Variants in USP50 observed in about 807,000 individuals in gnomAD.
The protein encoded by USP50 is ubiquitin carboxyl-terminal hydrolase 50.
USP50 carries 37 observed loss-of-function variants against 39.2 expected under a neutral mutation model. That is an observed-to-expected ratio of 0.94 (90% CI 0.73 to 1.24). USP50 has a LOEUF of 1.24. Ranked by LOEUF, USP50 falls within the 50% of genes most tolerant of loss-of-function variation. The pLI is 0.00. For missense variants in USP50, 374 were observed against 398.2 expected, an observed-to-expected ratio of 0.94 and a Z score of 0.52; for synonymous variants, 139 against 144.5, an observed-to-expected ratio of 0.96 and a Z score of 0.27.
chr15:50,500,844 G>T lies in USP50; in HGVS notation c.937-7C>A. Reference sequence around the variant, plus strand: ...CCAAATCACCAAAATGGTTCTATGGGAGAAAGGAATGTCAAACTTAGTATT... The same window carrying T: ...CCAAATCACCAAAATGGTTCTATGGTAGAAAGGAATGTCAAACTTAGTATT... On this transcript the variant is annotated splice_region_variant and splice_polypyrimidine_tract_variant and intron_variant, in intron 6 of 6. Coordinates refer to ENST00000532404, the MANE Select transcript of USP50 (RefSeq NM_203494.5). 1 of 1,573,642 alleles carries T rather than the reference G, an allele frequency of 6.4e-7. No individual in the cohort carries two copies. The highest frequency in any genetic ancestry group is 1.2e-5 in the South Asian group (1 of 85,494).
At chr15:50,532,019 A>C (rs1198372075) in intron 5 of USP50, 3 of 420,628 alleles carry the variant, frequency 7.1e-6, no homozygotes, top group Non-Finnish European at 1.4e-5. Context: ...TACCAGAGCC[A>C]AAACTGCCGA....
downstream of USP50, chr15:50,498,327 T>C: frequency 3.3e-6 from 1 of 299,442 alleles, no homozygotes. Context: ...CATGTAGCAG[T>C]TGTAGCTGGA....
At chr15:50,532,037 C>A in intron 5 of USP50, 1 of 442,404 alleles carries the variant, frequency 2.3e-6, no homozygotes. Flanking sequence ...CGAGCAGAAA[C>A]CTCTGAGGGA....
At chr15:50,541,330 G>T in intron 3 of USP50, 66 bp from the exon 4 acceptor site, 2 of 1,406,128 alleles carry the variant, frequency 1.4e-6, no homozygotes, top group East Asian at 2.3e-5. Flanking sequence ...GTGGCAACAT[G>T]GTGAGATCCC....
At chr15:50,506,281 A>G (rs765675439) in intron 6 of USP50, 2 of 152,320 alleles carry the variant, frequency 1.3e-5, no homozygotes, top group Admixed American at 6.6e-5. Context: ...GCGAGCGGCA[A>G]ACCTACCCTG....
intron 6 of USP50, chr15:50,507,713 C>CAAT (rs2052680759): frequency 6.6e-6 from 1 of 152,014 alleles, no homozygotes; most frequent in Non-Finnish European, 1.5e-5. Context: ...ACAGCTTTTA[C>CAAT]AATATATACT....
chr15:50,494,345 T>C, intron 1 of USP50: 1 of 1,385,260 alleles, frequency 7.2e-7, no homozygotes, highest in Non-Finnish European at 9.8e-7. Context: ...ACTGTATTTT[T>C]ATAGCAGTTT....
intron 5 of USP50, among the ~76,000 whole-genome samples, chr15:50,534,068 C>T (rs935804148): frequency 2.0e-5 from 3 of 151,994 alleles, no homozygotes; most frequent in Admixed American, 6.6e-5. Flanking sequence ...ACACTTGGAT[C>T]TACATAAAAA....
rs1299041821 is a variant in USP50, at chr15:50,541,257, T to C, written c.452A>G (p.Tyr151Cys). Residue 151 changes from tyrosine (Y) to cysteine (C), a missense_variant, in exon 4 of 7, where the codon TAC becomes TGC. By Grantham distance (194) the Tyr-to-Cys change is radical (BLOSUM62 -2). Transcript: ENST00000532404. ...TTTCTCATATGATCTTCTCCGGGAGTAGTGGTACTGAATCAAGGAGCAAAT... is the reference window on the plus strand; with the variant it reads ...TTTCTCATATGATCTTCTCCGGGAGCAGTGGTACTGAATCAAGGAGCAAAT... ...ELHEALKKYH[Y>C]SRRRSYEKGS... 4 of 1,613,078 alleles carry C rather than the reference T, an allele frequency of 2.5e-6. No homozygotes were observed. The highest frequency in any genetic ancestry group is 1.1e-5 in the South Asian group (1 of 91,042).
At chr15:50,537,619 G>T (rs1460009314) in intron 5 of USP50, among the ~76,000 whole-genome samples, 1 of 151,734 alleles carries the variant, frequency 6.6e-6, no homozygotes, top group Non-Finnish European at 1.5e-5. Flanking sequence ...AGCACTTTGG[G>T]AGACCGAGGT....
At chr15:50,527,027 A>T (rs2052903440) in intron 6 of USP50, among the ~76,000 whole-genome samples, 2 of 152,152 alleles carry the variant, frequency 1.3e-5, no homozygotes, top group Admixed American at 1.3e-4. Context: ...AAAGCAGTAA[A>T]CTCTTCAAGG....
Position 50,500,711 on chromosome 15 carries a change from T to C in USP50, c.*58A>G, listed in dbSNP as rs998700140. 14 of 1,492,380 alleles carry C rather than the reference T, an allele frequency of 9.4e-6. No individual in the cohort carries two copies. Among genetic ancestry groups the C allele is most frequent in the Admixed American group, 3.9e-5 (2 of 51,062 alleles). The allele number at this position is 1,492,380 out of a possible 1,614,324, so 92.4% of individuals were successfully genotyped here. On this transcript the variant is annotated 3_prime_UTR_variant, in exon 7 of 7. Coordinates refer to ENST00000532404, the MANE Select transcript of USP50 (RefSeq NM_203494.5). ...TGGCAGCTATAGAACAGGAGATCCA[T>C]AGCATTTTGAACAGAAGTATCTGGA...
intron 5 of USP50, among the ~76,000 whole-genome samples, chr15:50,535,048 A>G (rs932039003): frequency 6.6e-6 from 1 of 152,088 alleles, no homozygotes; most frequent in African/African-American, 2.4e-5. Context: ...CTGAGACACA[A>G]GAATTGCTTA....
At chr15:50,514,760 C>G (rs1270810735) in intron 6 of USP50, among the ~76,000 whole-genome samples, 1 of 151,822 alleles carries the variant, frequency 6.6e-6, no homozygotes, top group Non-Finnish European at 1.5e-5. Flanking sequence ...CATCTCCTGA[C>G]TTCGTGATCT....
In USP50 at chr15:50,506,802, C is replaced by CA. The variant is rs1222295870; in HGVS notation, c.937-5966dup. ...GTGAAACCTCATCTCTACAAAAATA[C>CA]AAAAAATTAGCCGGGCATGGTGGCA... On this transcript the variant is annotated intron_variant, in intron 6 of 6. Coordinates refer to ENST00000532404, the MANE Select transcript of USP50 (RefSeq NM_203494.5). 2.6e-5 allele frequency: 4 copies of CA among 151,132 alleles called. No individual in the cohort carries two copies. The East Asian group carries it at 7.9e-4, about 30-fold the overall frequency. 9.4% of individuals were successfully genotyped at this position (151,132 alleles called of 1,614,324 possible).
chr15:50,530,157 C>T (rs971065769), intron 5 of USP50, among the ~76,000 whole-genome samples: 13 of 152,096 alleles, frequency 8.5e-5, no homozygotes, highest in South Asian at 2.1e-4. Flanking sequence ...AAATTCTCAC[C>T]TGTAGTCCCA....
chr15:50,535,626 A>G (rs1331149150), intron 5 of USP50, among the ~76,000 whole-genome samples: 2 of 152,230 alleles, frequency 1.3e-5, no homozygotes, highest in African/African-American at 4.8e-5. Context: ...AAGAAATTTC[A>G]AAATGGGCTG....
intron 1 of USP50, among the ~76,000 whole-genome samples, chr15:50,495,017 TAAAAAAAAA>T (rs34381291): frequency 8.8e-6 from 1 of 113,514 alleles, no homozygotes; most frequent in Non-Finnish European, 1.9e-5. Context: ...AGACTCTTTC[TAAAAAAAAA>T]AAAAAAAAAA....
Position 50,544,711 on chromosome 15 carries a change from C to A in USP50, c.124G>T (p.Gly42Cys), listed in dbSNP as rs1190592252. Residue 42 changes from glycine to cysteine, a missense_variant, in exon 2 of 7, where the codon GGT becomes TGT. Transcript: ENST00000532404. ...CCCAAGTTCCACAAGCCAGTGACAC[C>A]CTGAAAATGGGGCTGGTTCCCATCA... is the stretch of plus-strand genomic sequence containing the variant. ...EADGNQPHFQ[G>C]VTGLWNLGNT... The A allele has an allele frequency of 6.2e-7, 1 of 1,613,840 alleles. No individual in the cohort carries two copies. Among genetic ancestry groups the A allele is most frequent in the Admixed American group, 1.7e-5 (1 of 60,000 alleles).
Sources: allele counts gnomAD v4.1 joint callset (sites outside exome capture counted in the v4.1 genomes callset), GRCh38; gene constraint gnomAD v4.1.1; transcripts MANE v1.5; gene names NCBI Gene and HGNC (gene_info 2026-07-23, HGNC 2026-07-21).